Variants in TLL1 observed in about 807,000 individuals in gnomAD.
TLL1 encodes the protein tolloid-like protein 1.
In TLL1, 49 loss-of-function variants were observed where a neutral mutation model predicts 128.2. The ratio of observed to expected loss-of-function variants is 0.38; its 90% CI spans 0.30 to 0.48. The LOEUF is 0.48. TLL1 is among the 20% of genes least tolerant of loss of function. The probability of loss-of-function intolerance (pLI) is 0.96; values close to 1 mark genes in which losing one functional copy is unlikely to be tolerated. For missense variants in TLL1, 1,123 were observed against 1,242.0 expected (o/e 0.90, Z 1.44); for synonymous variants, 454 against 418.8 (o/e 1.08, Z -1.03).
intron 12 of TLL1, among the ~76,000 whole-genome samples, chr4:166,054,813 A>C (rs1739926321): frequency 6.6e-6 from 1 of 152,032 alleles, no homozygotes; most frequent in African/African-American, 2.4e-5. Flanking sequence ...TTCTTTTAAA[A>C]GACAACTAAT....
At chr4:166,043,052 T>A (rs1465081156) in intron 11 of TLL1, among the ~76,000 whole-genome samples, 1 of 152,202 alleles carries the variant, frequency 6.6e-6, no homozygotes, top group East Asian at 1.9e-4. Context: ...GGATTAAAAA[T>A]TATTTATTCC....
intron 1 of TLL1, among the ~76,000 whole-genome samples, chr4:165,931,682 G>A (rs988280890): frequency 6.8e-6 from 1 of 146,978 alleles, no homozygotes; most frequent in Admixed American, 7.3e-5. Context: ...TTGCACCACT[G>A]CACTCCAGCC....
intron 1 of TLL1, among the ~76,000 whole-genome samples, chr4:165,917,577 A>T (rs930604029): frequency 1.3e-5 from 2 of 152,068 alleles, no homozygotes; most frequent in South Asian, 4.1e-4. Flanking sequence ...ATCTATTTAT[A>T]TATTATCTTA....
At chr4:165,892,036 C>T (rs892135506) in intron 1 of TLL1, among the ~76,000 whole-genome samples, 17 of 152,182 alleles carry the variant, frequency 1.1e-4, no homozygotes, top group Admixed American at 7.2e-4. Flanking sequence ...CCTACAATCA[C>T]GGTGGAATGG....
intron 1 of TLL1, among the ~76,000 whole-genome samples, chr4:165,907,706 G>A (rs961411305): frequency 1.4e-4 from 22 of 151,970 alleles, no homozygotes; most frequent in East Asian, 1.2e-3. Flanking sequence ...GCAACACCAC[G>A]CCCGTCTAAT....
chr4:165,962,527 C>T (rs1341881393), intron 1 of TLL1, among the ~76,000 whole-genome samples: 1 of 152,114 alleles, frequency 6.6e-6, no homozygotes, highest in Non-Finnish European at 1.5e-5. Flanking sequence ...TCTCGAAGAA[C>T]TGAGAGTCAA....
chr4:166,034,016 C>A (rs1015846828), intron 9 of TLL1, among the ~76,000 whole-genome samples: 1 of 152,060 alleles, frequency 6.6e-6, no homozygotes, highest in Non-Finnish European at 1.5e-5. Context: ...GGAGTGAATT[C>A]GCAGTAGTGT....
At chr4:166,086,672 G>A (rs1161770057) in intron 18 of TLL1, among the ~76,000 whole-genome samples, 1 of 152,118 alleles carries the variant, frequency 6.6e-6, no homozygotes, top group Non-Finnish European at 1.5e-5. Context: ...GCCCTTGAAT[G>A]TAACTTTCGG....
chr4:165,999,696 ACT>A (rs1365222587), intron 5 of TLL1, among the ~76,000 whole-genome samples: 7 of 151,452 alleles, frequency 4.6e-5, no homozygotes, highest in Admixed American at 2.0e-4. Flanking sequence ...CTGGTCTCAA[ACT>A]CTTGGGCTCA....
chr4:165,949,318 A>AT (rs941487594), intron 1 of TLL1, among the ~76,000 whole-genome samples: 15 of 152,024 alleles, frequency 9.9e-5, no homozygotes, highest in Non-Finnish European at 2.1e-4. Context: ...TTAGAAGCCG[A>AT]TTTTTTCCAG....
chr4:166,091,258 T>C lies in TLL1; in HGVS notation c.2573T>C (p.Val858Ala). Residue 858 changes from valine (V) to alanine (A), a missense_variant, in exon 19 of 21, where the codon GTG (valine) becomes GCG (alanine). By Grantham distance (64) the Val-to-Ala change is moderately conservative (BLOSUM62 0). This residue lies in a region of TLL1 where 634 missense variants were observed against 672.4 expected (regional missense o/e 0.94). Coordinates refer to ENST00000061240, the MANE Select transcript of TLL1 (RefSeq NM_012464.5). ...LCGNKIPDPL[V>A]ATGNKMFVRF... ...GGCAACAAGATACCAGATCCCCTTG[T>C]GGCTACTGGAAATAAAATGTTTGTT... is the stretch of plus-strand genomic sequence containing the variant. 1.2e-6 allele frequency: 2 copies of C among 1,613,268 alleles called. No homozygotes were observed. Among genetic ancestry groups the C allele is most frequent in the Non-Finnish European group, 8.5e-7 (1 of 1,179,494 alleles).
At chr4:166,011,172 T>G (rs1418111279) in intron 7 of TLL1, among the ~76,000 whole-genome samples, 1 of 151,596 alleles carries the variant, frequency 6.6e-6, no homozygotes, top group African/African-American at 2.4e-5. Flanking sequence ...ATTTTTAGGA[T>G]AAATTTTTCT....
intron 12 of TLL1, among the ~76,000 whole-genome samples, chr4:166,047,691 A>T (rs1161660142): frequency 2.6e-5 from 4 of 152,052 alleles, no homozygotes; most frequent in Non-Finnish European, 1.5e-5. Flanking sequence ...GTGCTCAAAT[A>T]AAGTTTATGT....
chr4:165,931,467 C>T (rs1238921716), intron 1 of TLL1, among the ~76,000 whole-genome samples: 1 of 152,012 alleles, frequency 6.6e-6, no homozygotes, highest in Non-Finnish European at 1.5e-5. Context: ...ACCTGTAATC[C>T]CAGCACTTTG....
Position 166,075,013 on chromosome 4 carries a change from G to A in TLL1, c.2314+10G>A, listed in dbSNP as rs757564027. The stretch of plus-strand genomic sequence containing the variant: ...CATGATTGCAAGGAAGGTATGGAAC[G>A]GAATACACTTTTTTTGACAACATGT... On this transcript the variant is annotated intron_variant, in intron 17 of 20. Transcript: ENST00000061240. 1.7e-5 allele frequency: 27 copies of A among 1,612,612 alleles called. No homozygotes were observed. Among genetic ancestry groups the A allele is most frequent in the East Asian group, 4.5e-5 (2 of 44,802 alleles).
At chr4:165,886,353 C>T (rs988412923) in intron 1 of TLL1, among the ~76,000 whole-genome samples, 2 of 152,108 alleles carry the variant, frequency 1.3e-5, no homozygotes, top group African/African-American at 4.8e-5. Flanking sequence ...TCTTAGTAAA[C>T]TATGATGCAC....
rs78576561 is a variant in TLL1, at chr4:166,094,378, A to T, written c.2656+3037A>T. Among the ~76,000 whole-genome samples, 106 of 152,290 alleles carry T rather than the reference A, an allele frequency of 7.0e-4. 3 individuals carry two copies. In the East Asian group the frequency reaches 0.02, roughly 28 times the overall value. ...GGAAGAAAATGAATATAAAACTGTC[A>T]TTCTTATTAGGTGAAGATTGAATTC... On this transcript the variant is annotated intron_variant, in intron 19 of 20. Transcript: ENST00000061240.
In TLL1 at chr4:166,066,576, C is replaced by T. The variant is rs76087184; in HGVS notation, c.2188+713C>T. Among the ~76,000 whole-genome samples the T allele has an allele frequency of 2.3e-3, 342 of 151,834 alleles. 13 individuals carry two copies. The East Asian group carries it at 0.058, about 26-fold the overall frequency. On this transcript the variant is annotated intron_variant, in intron 16 of 20. Coordinates refer to ENST00000061240, the MANE Select transcript of TLL1 (RefSeq NM_012464.5). The stretch of plus-strand genomic sequence containing the variant: ...GCAACTAGCAAGCAATTTAGAGCAA[C>T]TGAATTCCAATTATGTTTTAATGTT...
At chr4:165,875,201 T>G (rs1055210798) in intron 1 of TLL1, 22 of 152,458 alleles carry the variant, frequency 1.4e-4, no homozygotes, top group Middle Eastern at 3.4e-3. Context: ...TCTAGGGTTC[T>G]GCAGATTCCG....
Sources: allele counts gnomAD v4.1 joint callset (sites outside exome capture counted in the v4.1 genomes callset), GRCh38; gene constraint gnomAD v4.1.1; regional missense constraint gnomAD v4.1.1; transcripts MANE v1.5; gene names NCBI Gene and HGNC (gene_info 2026-07-23, HGNC 2026-07-21).